Variants in CDC20B observed in about 807,000 individuals in gnomAD.
CDC20B encodes the protein cell division cycle protein 20 homolog B.
A neutral mutation model predicts 64.1 loss-of-function variants in CDC20B; 58 were observed. The observed-to-expected ratio is 0.90, with a 90% confidence interval of 0.73 to 1.13. The LOEUF (loss-of-function observed/expected upper bound fraction) is 1.13. CDC20B is among the 50% of genes most tolerant of loss of function. CDC20B has a pLI of 0.00. For synonymous variants in CDC20B, 243 were observed against 230.6 expected (o/e 1.05, Z -0.49); for missense variants, 597 against 633.0 (o/e 0.94, Z 0.61).
chr5:55,172,259 C>G (rs1744622912), intron 2 of CDC20B: 1 of 233,780 alleles, frequency 4.3e-6, no homozygotes, highest in Non-Finnish European at 8.5e-6. Context: ...CTTTGGGGGG[C>G]GTGCTTCTGA....
intron 11 of CDC20B, among the ~76,000 whole-genome samples, chr5:55,116,582 G>A (rs915782225): frequency 6.6e-6 from 1 of 152,134 alleles, no homozygotes; most frequent in Admixed American, 6.6e-5. Context: ...TCAAATAGCT[G>A]GGACTATAGA....
At chr5:55,139,772 C>G (rs1448027086) in intron 5 of CDC20B, among the ~76,000 whole-genome samples, 1 of 152,074 alleles carries the variant, frequency 6.6e-6, no homozygotes, top group Non-Finnish European at 1.5e-5. Context: ...TGCCTGTAAT[C>G]CCAGCACTTT....
chr5:55,119,291 C>A (rs1011785518), intron 11 of CDC20B, among the ~76,000 whole-genome samples: 4 of 152,064 alleles, frequency 2.6e-5, no homozygotes, highest in African/African-American at 9.7e-5. Context: ...GAGGACAGGG[C>A]CTGGGTCTTG....
chr5:55,160,307 T>A (rs1280134610), intron 2 of CDC20B: 2 of 1,613,814 alleles, frequency 1.2e-6, no homozygotes, highest in Non-Finnish European at 1.7e-6. Flanking sequence ...ACAACTAAAA[T>A]TCCTCAAACC....
At position 55,133,474 on chromosome 5, in the gene CDC20B, A is replaced by G. The variant is rs550120464; in HGVS notation, c.635T>C (p.Ile212Thr). ...CTCTGGTTGGAGTATGGAATCGTTTATATCACCAGAACTTTTAAGATGGAA... is the reference window on the plus strand; with the variant it reads ...CTCTGGTTGGAGTATGGAATCGTTTGTATCACCAGAACTTTTAAGATGGAA... ...ESFHLKSSGD[I>T]NDSILQPEVK... Residue 212 changes from isoleucine (I) to threonine (T), a missense_variant, in exon 6 of 12, where the codon ATA becomes ACA. Ile to Thr is a moderately conservative substitution (Grantham distance 89). Coordinates refer to ENST00000381375, the MANE Select transcript of CDC20B (RefSeq NM_001170402.1). The G allele has an allele frequency of 3.7e-5, 59 of 1,584,546 alleles. No homozygotes were observed. The highest frequency in any genetic ancestry group is 4.9e-5 in the Non-Finnish European group (57 of 1,160,290).
intron 5 of CDC20B, among the ~76,000 whole-genome samples, chr5:55,138,786 G>C (rs112733977): frequency 2.7e-5 from 4 of 149,232 alleles, no homozygotes; most frequent in African/African-American, 9.8e-5. Flanking sequence ...ATTAAAAGTA[G>C]GATAGCCAAA....
At position 55,137,983 on chromosome 5, in the gene CDC20B, G is replaced by A. The variant is rs912923848; in HGVS notation, c.580+2331C>T. Among the ~76,000 whole-genome samples, 3 of 152,160 alleles carry A rather than the reference G, an allele frequency of 2.0e-5. No homozygotes were observed. In the East Asian group the frequency reaches 5.8e-4, roughly 29 times the overall value. On this transcript the variant is annotated intron_variant, in intron 5 of 11. Coordinates refer to ENST00000381375, the MANE Select transcript of CDC20B (RefSeq NM_001170402.1). ...AGACTGAGAGGTGGGTTAGTTAAAA[G>A]ACTGTCAAGTTCCCACACATACACA...
In CDC20B at chr5:55,146,643, C is replaced by G. The variant is rs1743483533; in HGVS notation, c.340G>C (p.Glu114Gln). The G allele has an allele frequency of 1.9e-6, 3 of 1,613,884 alleles. No homozygotes were observed. Among genetic ancestry groups the G allele is most frequent in the Admixed American group, 3.3e-5 (2 of 59,986 alleles). Residue 114 changes from glutamate (E) to glutamine (Q), a missense_variant, in exon 3 of 12, where the codon GAG becomes CAG. Transcript: ENST00000381375. Reference protein sequence around the residue: ...GSVLKTPPEKETLTLGSRKEQ... With the variant: ...GSVLKTPPEKQTLTLGSRKEQ... ...GGCACCTCACCTAGAGTCAAGGTCTCTTTCTCAGGCGGTGTCTTCAGCACT... is the reference window on the plus strand; with the variant it reads ...GGCACCTCACCTAGAGTCAAGGTCTGTTTCTCAGGCGGTGTCTTCAGCACT...
In CDC20B at chr5:55,128,523, A is replaced by G; in HGVS notation, c.792T>C (p.Ile264=). 6.2e-7 allele frequency: 1 copy of G among 1,611,806 alleles called. No homozygotes were observed. The highest frequency in any genetic ancestry group is 1.7e-5 in the Admixed American group (1 of 59,150). ...AAGTGAGACTTAAGTCTATGTTTTC[A>G]ATCCCATTGTGGTTCTCCCCATTCC... ...YIWNGENHNG[I]ENIDLSLTCN... The change falls in exon 7 of 12, where the codon ATT becomes ATC. Residue 264 remains isoleucine, a synonymous_variant. Transcript: ENST00000381375.
intron 11 of CDC20B, among the ~76,000 whole-genome samples, chr5:55,116,670 G>C (rs1742633548): frequency 6.6e-6 from 1 of 152,130 alleles, no homozygotes; most frequent in Non-Finnish European, 1.5e-5. Context: ...CTGTGCTGAT[G>C]CTTTTAAATT....
At chr5:55,160,009 T>C in intron 2 of CDC20B, 2 of 572,718 alleles carry the variant, frequency 3.5e-6, no homozygotes, top group Non-Finnish European at 6.2e-6. Flanking sequence ...TGAAATTCTG[T>C]AGAGCTCCTT....
intron 2 of CDC20B, among the ~76,000 whole-genome samples, chr5:55,171,138 A>C (rs905962635): frequency 3.9e-5 from 6 of 152,074 alleles, no homozygotes; most frequent in African/African-American, 1.4e-4. Flanking sequence ...ACATGGTGAA[A>C]CCCCGTCTCT....
At chr5:55,139,468 T>C (rs1743270112) in intron 5 of CDC20B, among the ~76,000 whole-genome samples, 1 of 151,876 alleles carries the variant, frequency 6.6e-6, no homozygotes, top group Non-Finnish European at 1.5e-5. Context: ...AGTGAGTGCA[T>C]GGAAAATGTT....
At chr5:55,116,133 C>T (rs1007363745) in intron 11 of CDC20B, among the ~76,000 whole-genome samples, 2 of 152,214 alleles carry the variant, frequency 1.3e-5, no homozygotes, top group African/African-American at 4.8e-5. Context: ...TCAGACCACA[C>T]TCCAAACCCT....
intron 2 of CDC20B, chr5:55,161,282 T>G (rs978537845): frequency 6.3e-7 from 1 of 1,590,814 alleles, no homozygotes; most frequent in South Asian, 1.1e-5. Context: ...CATATGCTGT[T>G]TTAAATTGCT....
At chr5:55,127,410 C>T in intron 7 of CDC20B, 59 bp from the exon 8 acceptor site, 2 of 1,381,506 alleles carry the variant, frequency 1.4e-6, no homozygotes, top group Non-Finnish European at 2.1e-6. Flanking sequence ...CCACTGTCTT[C>T]TCAAAGGCCT....
At chr5:55,150,729 A>G (rs1293300211) in intron 2 of CDC20B, among the ~76,000 whole-genome samples, 3 of 151,822 alleles carry the variant, frequency 2.0e-5, no homozygotes, top group Non-Finnish European at 4.4e-5. Context: ...AGCATGGCCC[A>G]CTCTGGCCTT....
At chr5:55,160,255 T>C (rs1743967334) in intron 2 of CDC20B, 3 of 1,613,988 alleles carry the variant, frequency 1.9e-6, no homozygotes, top group Non-Finnish European at 2.5e-6. Context: ...TATTTGCAGT[T>C]TTGCTGTCTA....
chr5:55,123,807 A>T (rs1036033218), intron 9 of CDC20B, among the ~76,000 whole-genome samples: 11 of 152,202 alleles, frequency 7.2e-5, no homozygotes, highest in African/African-American at 2.4e-4. Flanking sequence ...ACTTCAAGTC[A>T]TGAATACTGG....
Sources: allele counts gnomAD v4.1 joint callset (sites outside exome capture counted in the v4.1 genomes callset), GRCh38; gene constraint gnomAD v4.1.1; transcripts MANE v1.5; gene names NCBI Gene and HGNC (gene_info 2026-07-23, HGNC 2026-07-21).